Variants in VWC2 observed in about 807,000 individuals in gnomAD.
VWC2 encodes brorin.
Under a neutral mutation model 29.8 loss-of-function variants are expected in VWC2, and 14 were observed. The observed-to-expected ratio is 0.47, with a 90% CI of 0.31 to 0.74. The LOEUF (loss-of-function observed/expected upper bound fraction) is 0.74, where lower values mean the gene tolerates loss of function less well. VWC2 is among the 30% of genes least tolerant of loss of function. The probability of loss-of-function intolerance (pLI) is 0.05; values close to 1 mark genes in which losing one functional copy is unlikely to be tolerated. For missense variants in VWC2, 457 were observed against 459.8 expected, an observed-to-expected ratio of 0.99 and a Z score of 0.05; for synonymous variants, 213 against 199.0, an observed-to-expected ratio of 1.07 and a Z score of -0.59.
chr7:49,853,289 C>G (rs1489330990), intron 3 of VWC2, among the ~76,000 whole-genome samples: 2 of 152,228 alleles, frequency 1.3e-5, no homozygotes. Context: ...CCCTTAGGAA[C>G]CTGTGGCCGG....
chr7:49,837,836 T>C (rs1393184626), intron 3 of VWC2, among the ~76,000 whole-genome samples: 4 of 152,180 alleles, frequency 2.6e-5, no homozygotes, highest in Non-Finnish European at 5.9e-5. Flanking sequence ...ATGTGTTGCC[T>C]AGGAGGAGCA....
chr7:49,779,184 T>A (rs1472379766), intron 2 of VWC2, among the ~76,000 whole-genome samples: 1 of 152,188 alleles, frequency 6.6e-6, no homozygotes, highest in East Asian at 1.9e-4. Flanking sequence ...CCGGCAGGAG[T>A]GCGGTTTCTC....
rs1562747813 is a variant in VWC2 at position 49,877,485 on chromosome 7, T to TATAC, written c.827-34546_827-34545insCATA. On this transcript the variant is annotated intron_variant, in intron 3 of 3. Coordinates refer to ENST00000340652, the MANE Select transcript of VWC2 (RefSeq NM_198570.5). ...CTCAAAAAAAAAAAAAAAAAAAATA[T>TATAC]ATATATATATATATATATATATATA... Among the ~76,000 whole-genome samples the TATAC allele has an allele frequency of 4.7e-4, 7 of 14,934 alleles. 2 individuals carry two copies. Among genetic ancestry groups the TATAC allele is most frequent in the Admixed American group, 9.8e-4 (1 of 1,020 alleles). 9.8% of individuals were successfully genotyped at this position (14,934 alleles called of 152,430 possible).
At chr7:49,865,266 G>C (rs1263605365) in intron 3 of VWC2, among the ~76,000 whole-genome samples, 1 of 152,194 alleles carries the variant, frequency 6.6e-6, no homozygotes, top group Non-Finnish European at 1.5e-5. Context: ...TGAAAGAGTT[G>C]ATCTCTGAAA....
chr7:49,782,329 C>T (rs1321244339), intron 2 of VWC2, among the ~76,000 whole-genome samples: 1 of 152,108 alleles, frequency 6.6e-6, no homozygotes, highest in Non-Finnish European at 1.5e-5. Context: ...AAAATTAGTG[C>T]CCCCTCCAAA....
Position 49,775,639 on chromosome 7 carries a change from C to A in VWC2, c.204C>A (p.Asp68Glu). 1.3e-6 allele frequency: 2 copies of A among 1,529,312 alleles called. No homozygotes were observed. Among genetic ancestry groups the A allele is most frequent in the Non-Finnish European group, 8.8e-7 (1 of 1,141,066 alleles). 94.7% of individuals were successfully genotyped at this position (1,529,312 alleles called of 1,614,324 possible). The stretch of plus-strand genomic sequence containing the variant: ...ACGAGCTCGGGCGCCCGGCGAGGGA[C>A]GAGGGCGGCAGCGGCCGGGACTGGA... ...RVNELGRPAR[D>E]EGGSGRDWKS... Residue 68 changes from aspartate to glutamate, a missense_variant, in exon 2 of 4, where the codon GAC (aspartate) becomes GAA (glutamate). By Grantham distance (45) the Asp-to-Glu change is conservative. Coordinates refer to ENST00000340652, the MANE Select transcript of VWC2 (RefSeq NM_198570.5).
intron 3 of VWC2, among the ~76,000 whole-genome samples, chr7:49,885,464 T>C (rs4916998): frequency 0.74 from 112,287 of 151,964 alleles, 41,693 homozygotes; most frequent in East Asian, 0.88. Context: ...AGATGTAAGA[T>C]AGCAGATTAA....
In VWC2 at chr7:49,774,044, G is replaced by C. The variant is rs1787996191; in HGVS notation, c.-173G>C. 1 of 151,966 alleles carries C rather than the reference G, an allele frequency of 6.6e-6. No homozygotes were observed. The allele number at this position is 151,966 out of a possible 1,614,324, so 9.4% of individuals were successfully genotyped here. On this transcript the variant is annotated 5_prime_UTR_variant, in exon 1 of 4. Transcript: ENST00000340652. ...GCCCAGGATGGGCGCTGGCAACCCG[G>C]GCCCGCGCCCGCCGCTGCTACCCCT...
In VWC2 at chr7:49,775,398, C is replaced by T; in HGVS notation, c.-38C>T. On this transcript the variant is annotated 5_prime_UTR_variant, in exon 2 of 4. Transcript: ENST00000340652. ...GTGAATGCGACTCGCCCCTCGGCCG[C>T]GCTCCCCGCCCGCCCGCCCGCCGGG... 1 of 1,299,834 alleles carries T rather than the reference C, an allele frequency of 7.7e-7. No homozygotes were observed. The highest frequency in any genetic ancestry group is 9.8e-7 in the Non-Finnish European group (1 of 1,021,074). The allele number at this position is 1,299,834 out of a possible 1,614,324, so 80.5% of individuals were successfully genotyped here.
At chr7:49,831,958 T>A (rs192138956) in intron 3 of VWC2, among the ~76,000 whole-genome samples, 76 of 152,310 alleles carry the variant, frequency 5.0e-4, no homozygotes, top group Admixed American at 1.4e-3. Flanking sequence ...AGTAGCATCA[T>A]CAGATAGTAG....
At chr7:49,786,184 T>C (rs1330840627) in intron 2 of VWC2, among the ~76,000 whole-genome samples, 2 of 152,242 alleles carry the variant, frequency 1.3e-5, no homozygotes, top group Non-Finnish European at 2.9e-5. Flanking sequence ...CATCTTTGTG[T>C]ACATAAGTGC....
intron 3 of VWC2, among the ~76,000 whole-genome samples, chr7:49,881,663 G>A (rs1791667870): frequency 1.3e-5 from 2 of 152,126 alleles, no homozygotes; most frequent in South Asian, 2.1e-4. Flanking sequence ...TATTATTTCA[G>A]AATATATTAG....
At chr7:49,799,027 T>C (rs1040962634) in intron 2 of VWC2, among the ~76,000 whole-genome samples, 2 of 152,138 alleles carry the variant, frequency 1.3e-5, no homozygotes, top group Non-Finnish European at 1.5e-5. Context: ...GGCCACTGCT[T>C]CACCAAACGA....
intron 3 of VWC2, among the ~76,000 whole-genome samples, chr7:49,899,625 C>G (rs1194397804): frequency 6.6e-6 from 1 of 151,962 alleles, no homozygotes; most frequent in Non-Finnish European, 1.5e-5. Context: ...AGAAGACACA[C>G]AGGTCTTCAA....
chr7:49,801,257 G>A (rs923605111), intron 2 of VWC2, among the ~76,000 whole-genome samples: 1 of 152,230 alleles, frequency 6.6e-6, no homozygotes, highest in Non-Finnish European at 1.5e-5. Context: ...AGCGGTATTT[G>A]TATCATGGAC....
intron 3 of VWC2, among the ~76,000 whole-genome samples, chr7:49,899,846 C>T (rs1184702952): frequency 6.6e-6 from 1 of 151,926 alleles, no homozygotes; most frequent in Non-Finnish European, 1.5e-5. Context: ...CTATTGACTA[C>T]TTCATCAACA....
intron 3 of VWC2, among the ~76,000 whole-genome samples, chr7:49,830,872 T>C (rs951414795): frequency 2.6e-5 from 4 of 152,218 alleles, no homozygotes; most frequent in Non-Finnish European, 4.4e-5. Flanking sequence ...GGCTGCATAG[T>C]ATTCCATGGT....
intron 3 of VWC2, among the ~76,000 whole-genome samples, chr7:49,847,041 A>C (rs1228146150): frequency 6.6e-6 from 1 of 152,162 alleles, no homozygotes; most frequent in Non-Finnish European, 1.5e-5. Flanking sequence ...GTCTGTGTCA[A>C]ATTGGGATGT....
At chr7:49,881,926 TTTTCC>T (rs1791682849) in intron 3 of VWC2, among the ~76,000 whole-genome samples, 1 of 152,084 alleles carries the variant, frequency 6.6e-6, no homozygotes, top group South Asian at 2.1e-4. Flanking sequence ...TTAATTAAAA[TTTTCC>T]TTTCCTTTTT....
Sources: allele counts gnomAD v4.1 joint callset (sites outside exome capture counted in the v4.1 genomes callset), GRCh38; gene constraint gnomAD v4.1.1; transcripts MANE v1.5; gene names NCBI Gene and HGNC (gene_info 2026-07-23, HGNC 2026-07-21).